ARHGEF7: variants seen among roughly 807,000 people sequenced by gnomAD.
The protein encoded by ARHGEF7 is PAK-interacting exchange factor beta.
Under a neutral mutation model 109.8 loss-of-function variants are expected in ARHGEF7, and 33 were observed. That is an observed-to-expected ratio of 0.30 (90% CI 0.23 to 0.40). The LOEUF is 0.40. ARHGEF7 is among the 10% of genes least tolerant of loss of function. ARHGEF7 has a pLI of 1.00. For missense variants in ARHGEF7, 938 were observed against 1,098.5 expected (o/e 0.85, Z 2.07); for synonymous variants, 458 against 424.6 (o/e 1.08, Z -0.97).
In ARHGEF7 at chr13:111,300,740, G is replaced by A; in HGVS notation, c.2312-8G>A. On this transcript the variant is annotated splice_polypyrimidine_tract_variant and splice_region_variant and intron_variant, in intron 19 of 21. Coordinates refer to ENST00000646102, the MANE Select transcript of ARHGEF7 (RefSeq NM_001354046.2). ...TGAGGTTTATTTATTATTTTTTCAT[G>A]ATCCTAGGTTCACGCAAAGAATCTG... The A allele has an allele frequency of 6.3e-7, 1 of 1,577,636 alleles. No homozygotes were observed. The highest frequency in any genetic ancestry group is 8.6e-7 in the Non-Finnish European group (1 of 1,161,434).
intron 6 of ARHGEF7, chr13:111,241,363 G>A (rs57317822): frequency 0.096 from 147,792 of 1,535,546 alleles, 7,994 homozygotes; most frequent in South Asian, 0.2. Context: ...GCTGCGCCCC[G>A]AGGTCAGGAA....
chr13:111,246,511 C>T (rs2088871431), intron 8 of ARHGEF7, among the ~76,000 whole-genome samples: 2 of 152,066 alleles, frequency 1.3e-5, no homozygotes, highest in Admixed American at 6.5e-5. Context: ...ACTGGACTAT[C>T]GATATGGCAA....
At chr13:111,220,832 A>G (rs1437813631) in intron 5 of ARHGEF7, among the ~76,000 whole-genome samples, 2 of 151,938 alleles carry the variant, frequency 1.3e-5, no homozygotes, top group African/African-American at 2.4e-5. Flanking sequence ...CCCGGTTTCA[A>G]CGTATGTGCG....
intron 8 of ARHGEF7, among the ~76,000 whole-genome samples, chr13:111,245,310 G>A (rs761319269): frequency 3.3e-5 from 5 of 152,128 alleles, no homozygotes; most frequent in East Asian, 3.9e-4. Flanking sequence ...GGAACTTCTC[G>A]GTCCAACCAC....
intron 20 of ARHGEF7, 64 bp from the exon 21 acceptor site, chr13:111,301,414 G>T: frequency 7.0e-7 from 1 of 1,438,212 alleles, no homozygotes; most frequent in Non-Finnish European, 9.8e-7. Flanking sequence ...CTCCTGGTAA[G>T]TTTTCGTGTG....
At chr13:111,298,133 A>T (rs2093467641) in intron 19 of ARHGEF7, among the ~76,000 whole-genome samples, 2 of 152,266 alleles carry the variant, frequency 1.3e-5, no homozygotes, top group Non-Finnish European at 2.9e-5. Flanking sequence ...AGGGAAGAGT[A>T]AGTGAAGCCA....
chr13:111,237,584 G>C (rs1224068903), intron 6 of ARHGEF7, among the ~76,000 whole-genome samples: 2 of 152,288 alleles, frequency 1.3e-5, no homozygotes, highest in East Asian at 3.9e-4. Flanking sequence ...AAAGATGCTT[G>C]TGTAAAGGCA....
intron 2 of ARHGEF7, among the ~76,000 whole-genome samples, chr13:111,190,681 G>C (rs2079780877): frequency 6.6e-6 from 1 of 152,164 alleles, no homozygotes; most frequent in African/African-American, 2.4e-5. Context: ...CTTGAGCTTT[G>C]AGGGGTACTG....
intron 5 of ARHGEF7, among the ~76,000 whole-genome samples, chr13:111,221,359 ATATATC>A (rs1594867996): frequency 3.4e-5 from 1 of 29,372 alleles, no homozygotes; most frequent in Admixed American, 4.9e-4. Flanking sequence ...ATGTCTATAT[ATATATC>A]TATATATATA....
chr13:111,202,060 G>A (rs910072883), intron 2 of ARHGEF7, among the ~76,000 whole-genome samples: 6 of 152,120 alleles, frequency 3.9e-5, no homozygotes, highest in Non-Finnish European at 8.8e-5. Context: ...TGGGAGTATC[G>A]GATCATTCTA....
At chr13:111,234,773 C>T (rs1047672225) in intron 6 of ARHGEF7, among the ~76,000 whole-genome samples, 1 of 152,162 alleles carries the variant, frequency 6.6e-6, no homozygotes, top group South Asian at 2.1e-4. Context: ...TGGACTCTGC[C>T]TTCCATCTCA....
chr13:111,196,265 TC>T (rs1711650853), intron 2 of ARHGEF7, among the ~76,000 whole-genome samples: 1 of 152,160 alleles, frequency 6.6e-6, no homozygotes, highest in African/African-American at 2.4e-5. Context: ...CTGAGTTGAG[TC>T]CCAGTGGGGA....
At chr13:111,185,961 CGTGTGTGTGTGTGTGTGT>C (rs71127998) in intron 2 of ARHGEF7, among the ~76,000 whole-genome samples, 9 of 135,870 alleles carry the variant, frequency 6.6e-5, no homozygotes, top group Admixed American at 2.9e-4. Context: ...TTTGGGAGCT[CGTGTGTGTGTGTGTGTGT>C]GTGTGTGTGT....
chr13:111,257,636 A>C (rs2090588667), intron 8 of ARHGEF7, among the ~76,000 whole-genome samples: 1 of 152,240 alleles, frequency 6.6e-6, no homozygotes, highest in African/African-American at 2.4e-5. Flanking sequence ...GTGAGTGATC[A>C]CGGTGCCTGG....
chr13:111,267,936 TG>T (rs1181445460), intron 9 of ARHGEF7, among the ~76,000 whole-genome samples: 1 of 152,178 alleles, frequency 6.6e-6, no homozygotes, highest in Non-Finnish European at 1.5e-5. Context: ...GTAAGTGTTC[TG>T]GGGTGTAGCC....
intron 2 of ARHGEF7, chr13:111,186,933 C>T (rs913004380): frequency 1.7e-5 from 17 of 985,468 alleles, no homozygotes; most frequent in African/African-American, 3.5e-5. Flanking sequence ...GGGTCTACTA[C>T]GTAGAGGTGC....
intron 8 of ARHGEF7, among the ~76,000 whole-genome samples, chr13:111,252,016 T>C (rs756342301): frequency 2.0e-4 from 30 of 152,228 alleles, no homozygotes; most frequent in Non-Finnish European, 3.4e-4. Flanking sequence ...ACTTCCAAAG[T>C]GGGAGGAGTG....
intron 2 of ARHGEF7, among the ~76,000 whole-genome samples, chr13:111,192,761 G>A (rs564803113): frequency 3.9e-5 from 6 of 152,248 alleles, no homozygotes; most frequent in Admixed American, 1.3e-4. Flanking sequence ...GACCATTGTC[G>A]CTCTGTAAGC....
At chr13:111,275,743 T>C (rs1225909046) in intron 12 of ARHGEF7, 65 bp downstream of exon 12, 5 of 1,594,548 alleles carry the variant, frequency 3.1e-6, no homozygotes, top group Non-Finnish European at 3.4e-6. Context: ...TAGCAGAAGA[T>C]TTTAAAGGCA....
Sources: gnomAD v4.1 joint callset for allele counts (sites outside exome capture counted in the v4.1 genomes callset) on GRCh38, gnomAD v4.1.1 for gene constraint, MANE v1.5 for transcripts, NCBI Gene and HGNC (gene_info 2026-07-23, HGNC 2026-07-21) for gene names.